Variants in KRAS observed in about 807,000 individuals in gnomAD.
KRAS encodes GTPase KRas.
In KRAS, 1 loss-of-function variant was observed where a neutral mutation model predicts 21.0. The ratio of observed to expected loss-of-function variants is 0.05; its 90% CI spans 0.02 to 0.23. The LOEUF (loss-of-function observed/expected upper bound fraction) is 0.23, where lower values mean the gene tolerates loss of function less well. KRAS is among the 10% of genes least tolerant of loss of function. KRAS has a pLI of 1.00. For synonymous variants in KRAS, 67 were observed against 72.5 expected (o/e 0.92, Z 0.39); for missense variants, 107 against 221.8 (o/e 0.48, Z 3.29).
intron 1 of KRAS, among the ~76,000 whole-genome samples, chr12:25,249,772 G>A (rs1439647144): frequency 6.6e-6 from 1 of 152,032 alleles, no homozygotes; most frequent in Non-Finnish European, 1.5e-5. Flanking sequence ...GAGACGAGGG[G>A]ATGAGGGTAA....
rs1387354520 is a variant in KRAS at position 25,206,680 on chromosome 12, G to A, written c.*3115C>T. 3 of 200,820 alleles carry A rather than the reference G, an allele frequency of 1.5e-5. No individual in the cohort carries two copies. The highest frequency in any genetic ancestry group is 4.6e-5 in the African/African-American group (2 of 43,570). 12.4% of individuals were successfully genotyped at this position (200,820 alleles called of 1,614,324 possible). The stretch of plus-strand genomic sequence containing the variant: ...TAAGTCTTAACACCCTACCTAAACA[G>A]TGTTCCAAAGATCTGTAGTTTCACA... On this transcript the variant is annotated 3_prime_UTR_variant, in exon 5 of 5. Coordinates refer to ENST00000311936, the MANE Select transcript of KRAS (RefSeq NM_004985.5).
chr12:25,205,948 A>G lies in KRAS; in HGVS notation c.*3847T>C, dbSNP rs766009003. 9.3e-6 allele frequency: 2 copies of G among 214,598 alleles called. No homozygotes were observed. The highest frequency in any genetic ancestry group is 1.2e-4 in the Admixed American group (2 of 17,146). 13.3% of individuals were successfully genotyped at this position (214,598 alleles called of 1,614,324 possible). ...TATTAACACAGAAGTTACTAAATATAAATTCAGCTTTAAGGTAACTGCTGG... is the reference window on the plus strand; with the variant it reads ...TATTAACACAGAAGTTACTAAATATGAATTCAGCTTTAAGGTAACTGCTGG... On this transcript the variant is annotated 3_prime_UTR_variant, in exon 5 of 5. Coordinates refer to ENST00000311936, the MANE Select transcript of KRAS (RefSeq NM_004985.5).
chr12:25,248,451 C>CA (rs1236022664), intron 1 of KRAS, among the ~76,000 whole-genome samples: 7 of 151,548 alleles, frequency 4.6e-5, no homozygotes, highest in Non-Finnish European at 7.4e-5. Context: ...CTCTCTCTCT[C>CA]AAAAAAACAA....
intron 2 of KRAS, among the ~76,000 whole-genome samples, chr12:25,239,353 A>G (rs778869882): frequency 6.6e-6 from 1 of 152,158 alleles, no homozygotes; most frequent in Non-Finnish European, 1.5e-5. Flanking sequence ...GCAGCCAGAT[A>G]GCTCAGTTTT....
chr12:25,218,688 T>C (rs1271114122), intron 4 of KRAS, among the ~76,000 whole-genome samples: 1 of 152,242 alleles, frequency 6.6e-6, no homozygotes. Flanking sequence ...TTGTGTACAC[T>C]GTAAACCACT....
At chr12:25,245,023 G>A (rs866693698) in intron 2 of KRAS, among the ~76,000 whole-genome samples, 3 of 152,206 alleles carry the variant, frequency 2.0e-5, no homozygotes, top group South Asian at 4.1e-4. Flanking sequence ...ACCCTCTCAC[G>A]AAACTCTGAA....
chr12:25,209,339 C>A lies in KRAS; in HGVS notation c.*456G>T. On this transcript the variant is annotated 3_prime_UTR_variant, in exon 5 of 5. Coordinates refer to ENST00000311936, the MANE Select transcript of KRAS (RefSeq NM_004985.5). ...CTAGAAGAATCATCATCAGGAAGCCCATAAATTTGTGTTCCCTCAATGTTT... is the reference window on the plus strand; with the variant it reads ...CTAGAAGAATCATCATCAGGAAGCCAATAAATTTGTGTTCCCTCAATGTTT... The A allele has an allele frequency of 1.7e-6, 1 of 592,438 alleles. No homozygotes were observed. The highest frequency in any genetic ancestry group is 2.9e-6 in the Non-Finnish European group (1 of 341,470). The allele number at this position is 592,438 out of a possible 1,614,324, so 36.7% of individuals were successfully genotyped here. A position where few individuals can be genotyped will look rare whatever the true frequency, so the allele number is the denominator to read the frequency against.
At chr12:25,246,514 C>T (rs1378217540) in intron 1 of KRAS, among the ~76,000 whole-genome samples, 1 of 152,004 alleles carries the variant, frequency 6.6e-6, no homozygotes, top group Non-Finnish European at 1.5e-5. Context: ...GCCCAGATCA[C>T]GCCACTGCAC....
At chr12:25,217,702 G>C (rs1293463821) in intron 4 of KRAS, among the ~76,000 whole-genome samples, 1 of 152,090 alleles carries the variant, frequency 6.6e-6, no homozygotes, top group Non-Finnish European at 1.5e-5. Flanking sequence ...GAGAGGGCAA[G>C]AGATGCCAGG....
chr12:25,237,533 T>C (rs967891043), intron 2 of KRAS, among the ~76,000 whole-genome samples: 3 of 152,168 alleles, frequency 2.0e-5, no homozygotes, highest in African/African-American at 7.2e-5. Context: ...GGCATCTTGA[T>C]ATACATACAT....
At chr12:25,245,968 CAAAT>C (rs944403053) in intron 1 of KRAS, among the ~76,000 whole-genome samples, 5 of 151,968 alleles carry the variant, frequency 3.3e-5, no homozygotes, top group African/African-American at 4.8e-5. Flanking sequence ...GAATGAGTGT[CAAAT>C]AAAGCTGGAT....
chr12:25,222,174 A>AAAATAAAT (rs139753860), intron 4 of KRAS, among the ~76,000 whole-genome samples: 14,339 of 148,144 alleles, frequency 0.097, 960 homozygotes, highest in Non-Finnish European at 0.13. Flanking sequence ...GAAAGAAAGA[A>AAAATAAAT]AAATAAATAA....
intron 2 of KRAS, chr12:25,233,902 AT>A (rs1951510112): frequency 5.2e-6 from 1 of 192,508 alleles, no homozygotes; most frequent in East Asian, 8.3e-5. Flanking sequence ...AATTTAACAG[AT>A]TTTTCAATTA....
chr12:25,248,404 C>T (rs968226556), intron 1 of KRAS, among the ~76,000 whole-genome samples: 2 of 151,284 alleles, frequency 1.3e-5, no homozygotes, highest in Admixed American at 1.3e-4. Context: ...GGGCCGAGAT[C>T]GCGCCACTGC....
intron 1 of KRAS, among the ~76,000 whole-genome samples, chr12:25,247,633 G>A (rs963149557): frequency 6.6e-6 from 1 of 152,196 alleles, no homozygotes; most frequent in African/African-American, 2.4e-5. Flanking sequence ...ATGTGGTCTA[G>A]GAACCCCTCA....
chr12:25,219,001 G>A (rs2141494626), intron 4 of KRAS, among the ~76,000 whole-genome samples: 1 of 150,692 alleles, frequency 6.6e-6, no homozygotes, highest in East Asian at 2.0e-4. Flanking sequence ...CTGCAGTGGT[G>A]CAATCTCGGC....
At chr12:25,238,425 T>A (rs1230042003) in intron 2 of KRAS, among the ~76,000 whole-genome samples, 1 of 152,216 alleles carries the variant, frequency 6.6e-6, no homozygotes, top group Non-Finnish European at 1.5e-5. Context: ...ACCTCTCATA[T>A]TATTTATTTA....
At chr12:25,247,716 T>G (rs1951703150) in intron 1 of KRAS, among the ~76,000 whole-genome samples, 1 of 152,188 alleles carries the variant, frequency 6.6e-6, no homozygotes, top group South Asian at 2.1e-4. Context: ...TCCTTTACCC[T>G]TTTAACTCCC....
intron 4 of KRAS, among the ~76,000 whole-genome samples, chr12:25,218,064 A>G (rs921269961): frequency 3.2e-4 from 49 of 152,232 alleles, no homozygotes; most frequent in Non-Finnish European, 4.0e-4. Flanking sequence ...TGTAAAATGT[A>G]AAGCATGAGC....
Sources: gnomAD v4.1 joint callset for allele counts (sites outside exome capture counted in the v4.1 genomes callset) on GRCh38, gnomAD v4.1.1 for gene constraint, MANE v1.5 for transcripts, NCBI Gene and HGNC (gene_info 2026-07-23, HGNC 2026-07-21) for gene names.